LIX1: variants seen among roughly 807,000 people sequenced by gnomAD.
The protein encoded by LIX1 is protein limb expression 1 homolog.
Under a neutral mutation model 33.4 loss-of-function variants are expected in LIX1, and 24 were observed. The ratio of observed to expected loss-of-function variants is 0.72; its 90% CI spans 0.52 to 1.01. The LOEUF is 1.01. Ranked by LOEUF, LIX1 falls within the 50% of genes least tolerant of loss-of-function variation. The pLI is 0.00. For missense variants in LIX1, 311 were observed against 339.2 expected, an observed-to-expected ratio of 0.92 and a Z score of 0.65; for synonymous variants, 124 against 124.0, an observed-to-expected ratio of 1.00 and a Z score of 0.00.
intron 2 of LIX1, among the ~76,000 whole-genome samples, chr5:97,107,860 GA>G (rs199756470): frequency 6.6e-6 from 1 of 151,318 alleles, no homozygotes; most frequent in Non-Finnish European, 1.5e-5. Context: ...CCCTATTTCA[GA>G]AAAAAAATGT....
intron 1 of LIX1, among the ~76,000 whole-genome samples, chr5:97,129,180 T>C (rs1384098921): frequency 6.6e-6 from 1 of 152,190 alleles, no homozygotes; most frequent in Non-Finnish European, 1.5e-5. Flanking sequence ...CTTTCCACTG[T>C]CTATTGTCTT....
chr5:97,109,054 C>T (rs1440486149), intron 2 of LIX1, among the ~76,000 whole-genome samples: 2 of 152,142 alleles, frequency 1.3e-5, no homozygotes, highest in African/African-American at 4.8e-5. Context: ...GACTTATGCT[C>T]TCGTGTCCTC....
At chr5:97,104,554 A>T (rs1746909303) in intron 4 of LIX1, among the ~76,000 whole-genome samples, 1 of 152,216 alleles carries the variant, frequency 6.6e-6, no homozygotes, top group Non-Finnish European at 1.5e-5. Flanking sequence ...AAATTATGAC[A>T]CTATTTGTTA....
intron 4 of LIX1, among the ~76,000 whole-genome samples, chr5:97,099,114 C>T (rs1357764259): frequency 1.4e-5 from 2 of 139,452 alleles, no homozygotes; most frequent in Non-Finnish European, 3.0e-5. Flanking sequence ...ACAGGGTCCT[C>T]GGTCCAGTGC....
intron 2 of LIX1, among the ~76,000 whole-genome samples, chr5:97,112,282 A>G (rs927445193): frequency 6.6e-6 from 1 of 152,232 alleles, no homozygotes; most frequent in Admixed American, 6.5e-5. Context: ...TGTTGCTGTA[A>G]GAACAGGCAC....
intron 4 of LIX1, 107 bp downstream of exon 4, chr5:97,105,083 T>C: frequency 9.5e-7 from 1 of 1,053,766 alleles, no homozygotes; most frequent in Non-Finnish European, 1.4e-6. Flanking sequence ...CAAAAACACT[T>C]AAGACCAAAA....
intron 1 of LIX1, among the ~76,000 whole-genome samples, chr5:97,136,454 A>T (rs1482202762): frequency 1.3e-5 from 2 of 152,230 alleles, no homozygotes; most frequent in African/African-American, 4.8e-5. Flanking sequence ...AACCATTGGC[A>T]ATCCAAAAAT....
chr5:97,112,639 G>A (rs1444873567), intron 2 of LIX1, among the ~76,000 whole-genome samples: 1 of 152,188 alleles, frequency 6.6e-6, no homozygotes, highest in Admixed American at 6.5e-5. Context: ...ACTAAAGTCA[G>A]CTGTGAATTT....
At chr5:97,119,818 A>T (rs947112877) in intron 2 of LIX1, among the ~76,000 whole-genome samples, 1 of 152,000 alleles carries the variant, frequency 6.6e-6, no homozygotes, top group South Asian at 2.1e-4. Flanking sequence ...GTCAAAATTT[A>T]TGAGATGATA....
chr5:97,108,140 A>T (rs1747165289), intron 2 of LIX1, among the ~76,000 whole-genome samples: 1 of 152,230 alleles, frequency 6.6e-6, no homozygotes, highest in Non-Finnish European at 1.5e-5. Flanking sequence ...AGACATTTTT[A>T]TCTCCAGGTT....
intron 1 of LIX1, among the ~76,000 whole-genome samples, chr5:97,128,815 C>T (rs1168095573): frequency 6.6e-6 from 1 of 152,156 alleles, no homozygotes; most frequent in African/African-American, 2.4e-5. Flanking sequence ...CAGTTTCTTT[C>T]AGTCTATACT....
chr5:97,142,397 G>T, intron 1 of LIX1, 98 bp downstream of exon 1: 3 of 806,310 alleles, frequency 3.7e-6, no homozygotes, highest in Non-Finnish European at 6.2e-6. Flanking sequence ...GCATACGACT[G>T]CAGAGATTTA....
intron 2 of LIX1, among the ~76,000 whole-genome samples, chr5:97,115,118 C>T (rs2112778696): frequency 1.3e-5 from 2 of 152,212 alleles, no homozygotes; most frequent in Middle Eastern, 3.4e-3. Flanking sequence ...TGATTATTTT[C>T]CAGGGTGTCA....
intron 1 of LIX1, among the ~76,000 whole-genome samples, chr5:97,127,887 T>G (rs765771873): frequency 3.0e-4 from 45 of 152,220 alleles, no homozygotes; most frequent in Non-Finnish European, 4.3e-4. Flanking sequence ...CAGCTCCACC[T>G]TATTTCCTAC....
intron 1 of LIX1, 62 bp downstream of exon 1, chr5:97,142,433 T>G (rs1748308853): frequency 2.7e-6 from 3 of 1,117,128 alleles, no homozygotes; most frequent in Non-Finnish European, 4.1e-6. Flanking sequence ...AAATAGGATG[T>G]GACTTGACGT....
At chr5:97,126,453 T>TA (rs1225372656) in intron 1 of LIX1, among the ~76,000 whole-genome samples, 1 of 152,174 alleles carries the variant, frequency 6.6e-6, no homozygotes, top group East Asian at 1.9e-4. Context: ...TTGCCATGTA[T>TA]ATTTAAAAAC....
At chr5:97,105,528 G>A (rs1228803144) in intron 3 of LIX1, among the ~76,000 whole-genome samples, 4 of 152,174 alleles carry the variant, frequency 2.6e-5, no homozygotes, top group Admixed American at 1.3e-4. Context: ...ATTTCTGTAC[G>A]ATTGCACAGG....
intron 2 of LIX1, among the ~76,000 whole-genome samples, chr5:97,116,172 C>A (rs898620878): frequency 6.6e-6 from 1 of 152,164 alleles, no homozygotes; most frequent in Non-Finnish European, 1.5e-5. Flanking sequence ...CAAACCAGAC[C>A]CTGTTGCTAA....
chr5:97,128,757 A>T (rs1014033986), intron 1 of LIX1, among the ~76,000 whole-genome samples: 3 of 152,254 alleles, frequency 2.0e-5, no homozygotes, highest in African/African-American at 4.8e-5. Flanking sequence ...ATATCTAATA[A>T]ATGCCCAAGT....
Sources: gnomAD v4.1 joint callset for allele counts (sites outside exome capture counted in the v4.1 genomes callset) on GRCh38, gnomAD v4.1.1 for gene constraint, MANE v1.5 for transcripts, NCBI Gene and HGNC (gene_info 2026-07-23, HGNC 2026-07-21) for gene names.